Variants in LSAMP observed in about 807,000 individuals in gnomAD.
The protein encoded by LSAMP is limbic system associated membrane protein, also known as limbic system-associated membrane protein.
LSAMP carries 7 observed loss-of-function variants against 38.6 expected under a neutral mutation model. That is an observed-to-expected ratio of 0.18 (90% CI 0.10 to 0.34). LSAMP has a LOEUF of 0.34. Ranked by LOEUF, LSAMP falls within the 10% of genes least tolerant of loss-of-function variation. The pLI, the probability that LSAMP is intolerant of heterozygous loss-of-function variation, is 1.00. For missense variants in LSAMP, 313 were observed against 420.0 expected (o/e 0.75, Z 2.23); for synonymous variants, 154 against 166.8 (o/e 0.92, Z 0.59).
intron 1 of LSAMP, 90 bp downstream of exon 1, chr3:116,444,787 G>GAC (rs61173418): frequency 2.7e-4 from 326 of 1,201,996 alleles, no homozygotes; most frequent in Admixed American, 2.5e-3. Flanking sequence ...AAGGAGATCA[G>GAC]ACACACACAC....
chr3:116,132,101 T>A (rs1446338391), intron 1 of LSAMP, among the ~76,000 whole-genome samples: 1 of 152,148 alleles, frequency 6.6e-6, no homozygotes, highest in Non-Finnish European at 1.5e-5. Flanking sequence ...GTGCTGGGAT[T>A]ATGGGCATGA....
intron 3 of LSAMP, among the ~76,000 whole-genome samples, chr3:115,905,252 G>A (rs1223837487): frequency 6.6e-6 from 1 of 152,032 alleles, no homozygotes. Flanking sequence ...TTTCTCACAA[G>A]TTTGGTATAT....
chr3:116,044,396 C>T (rs1941245657), intron 2 of LSAMP, among the ~76,000 whole-genome samples: 2 of 152,094 alleles, frequency 1.3e-5, no homozygotes, highest in South Asian at 4.1e-4. Flanking sequence ...ATTAGTAACA[C>T]TCCTGGTTTT....
intron 3 of LSAMP, among the ~76,000 whole-genome samples, chr3:115,959,297 T>G (rs1367182654): frequency 6.6e-6 from 1 of 151,992 alleles, no homozygotes; most frequent in African/African-American, 2.4e-5. Flanking sequence ...AGGCATAGAG[T>G]CTAAAGGTCC....
intron 1 of LSAMP, among the ~76,000 whole-genome samples, chr3:116,140,463 C>T (rs1444235474): frequency 6.6e-6 from 1 of 151,984 alleles, no homozygotes; most frequent in African/African-American, 2.4e-5. Context: ...TGAGATCCCA[C>T]ACCCAAGTGA....
intron 3 of LSAMP, among the ~76,000 whole-genome samples, chr3:115,902,127 T>C (rs1349313792): frequency 6.6e-6 from 1 of 152,098 alleles, no homozygotes; most frequent in Non-Finnish European, 1.5e-5. Flanking sequence ...GGATAATCTA[T>C]AACATTAAGT....
At chr3:116,356,366 A>C (rs748310270) in intron 1 of LSAMP, among the ~76,000 whole-genome samples, 2 of 152,216 alleles carry the variant, frequency 1.3e-5, no homozygotes, top group Non-Finnish European at 2.9e-5. Context: ...TGTGGGAATT[A>C]AAAATTAAAA....
chr3:115,905,966 A>G (rs1232718212), intron 3 of LSAMP, among the ~76,000 whole-genome samples: 1 of 152,144 alleles, frequency 6.6e-6, no homozygotes, highest in Non-Finnish European at 1.5e-5. Context: ...TGCCAAGGAC[A>G]TGAGACTAGT....
intron 1 of LSAMP, among the ~76,000 whole-genome samples, chr3:116,271,865 T>G (rs2046978606): frequency 6.6e-6 from 1 of 152,012 alleles, no homozygotes; most frequent in Non-Finnish European, 1.5e-5. Context: ...GAAGGATAGA[T>G]AGAAACTAAG....
chr3:116,195,331 C>T (rs1437136453), intron 1 of LSAMP, among the ~76,000 whole-genome samples: 1 of 152,112 alleles, frequency 6.6e-6, no homozygotes, highest in Non-Finnish European at 1.5e-5. Flanking sequence ...ACTCCTGTTT[C>T]CTGAGTGTGT....
intron 3 of LSAMP, among the ~76,000 whole-genome samples, chr3:115,943,023 G>A (rs1036315432): frequency 3.9e-5 from 6 of 152,284 alleles, no homozygotes; most frequent in East Asian, 1.9e-4. Flanking sequence ...AACAACATAC[G>A]TTAAGAAGAA....
intron 1 of LSAMP, among the ~76,000 whole-genome samples, chr3:116,147,135 A>T (rs958702818): frequency 6.6e-6 from 1 of 151,840 alleles, no homozygotes; most frequent in Non-Finnish European, 1.5e-5. Flanking sequence ...TCAAAAGCCA[A>T]TTTTTTTACA....
At chr3:116,010,192 C>T (rs549820517) in intron 3 of LSAMP, among the ~76,000 whole-genome samples, 1 of 152,264 alleles carries the variant, frequency 6.6e-6, no homozygotes, top group African/African-American at 2.4e-5. Flanking sequence ...GCTGGGATTA[C>T]GGGCATGAGC....
chr3:116,178,721 A>G (rs929697674), intron 1 of LSAMP, among the ~76,000 whole-genome samples: 2 of 152,186 alleles, frequency 1.3e-5, no homozygotes, highest in African/African-American at 4.8e-5. Context: ...AACCAAATCT[A>G]TTTCTCATCT....
Position 116,086,349 on chromosome 3 carries a change from G to C in LSAMP, c.363C>G (p.Thr121=), listed in dbSNP as rs567329592. 1.3e-5 allele frequency: 21 copies of C among 1,614,046 alleles called. No individual in the cohort carries two copies. The South Asian group carries it at 2.1e-4, about 16-fold the overall frequency. The part of the protein sequence containing the change: ...CSVQTQHEPK[T]SQVYLIVQVP... ...CTTGTACGATCAAGTAAACTTGGGA[G>C]GTCTTGGGCTCATGCTGTGTCTGAA... Residue 121 remains threonine (T), a synonymous_variant, in exon 2 of 7, where the codon ACC becomes ACG. Transcript: ENST00000490035.
chr3:115,973,203 T>A (rs1939074337), intron 3 of LSAMP, among the ~76,000 whole-genome samples: 1 of 152,172 alleles, frequency 6.6e-6, no homozygotes, highest in African/African-American at 2.4e-5. Context: ...GAGAATTACA[T>A]GATTTAAATT....
chr3:115,895,297 T>G lies in LSAMP; in HGVS notation c.515-42680A>C, dbSNP rs189620254. 3.3e-3 allele frequency among the ~76,000 whole-genome samples: 498 copies of G among 152,180 alleles called. 4 individuals carry two copies. Among genetic ancestry groups the G allele is most frequent in the Admixed American group, 6.9e-3 (105 of 15,256 alleles). On this transcript the variant is annotated intron_variant, in intron 3 of 6. Transcript: ENST00000490035. ...CTTTAGGGATGTATCATTTTGGTAT[T>G]GTTGGTCAAAGCTCTTCTACTGACA...
At chr3:115,831,199 C>G (rs1221142008) in intron 6 of LSAMP, among the ~76,000 whole-genome samples, 1 of 152,114 alleles carries the variant, frequency 6.6e-6, no homozygotes, top group Non-Finnish European at 1.5e-5. Context: ...CAACATTTCC[C>G]AAACCCACTT....
chr3:116,184,968 C>T (rs1710576571), intron 1 of LSAMP, among the ~76,000 whole-genome samples: 1 of 148,904 alleles, frequency 6.7e-6, no homozygotes, highest in Non-Finnish European at 1.5e-5. Context: ...CTAATGAAGT[C>T]TTCTAAATGT....
Sources: gnomAD v4.1 joint callset for allele counts (sites outside exome capture counted in the v4.1 genomes callset) on GRCh38, gnomAD v4.1.1 for gene constraint, MANE v1.5 for transcripts, NCBI Gene and HGNC (gene_info 2026-07-23, HGNC 2026-07-21) for gene names.